Variants in ELFN2 observed in about 807,000 individuals in gnomAD.
The protein encoded by ELFN2 is protein phosphatase 1 regulatory subunit 29.
Under a neutral mutation model 45.5 loss-of-function variants are expected in ELFN2, and 17 were observed. The ratio of observed to expected loss-of-function variants is 0.37; its 90% CI spans 0.26 to 0.56. The LOEUF (loss-of-function observed/expected upper bound fraction) is 0.56, where lower values mean the gene tolerates loss of function less well. Ranked by LOEUF, ELFN2 falls within the 20% of genes least tolerant of loss-of-function variation. The pLI is 0.77. For synonymous variants in ELFN2, 550 were observed against 551.5 expected, an observed-to-expected ratio of 1.00 and a Z score of 0.04; for missense variants, 922 against 1,183.2, an observed-to-expected ratio of 0.78 and a Z score of 3.24.
At chr22:37,403,721 C>T (rs935351059) in intron 2 of ELFN2, among the ~76,000 whole-genome samples, 1 of 152,244 alleles carries the variant, frequency 6.6e-6, no homozygotes, top group Non-Finnish European at 1.5e-5. Context: ...CTCTCCCCAA[C>T]GAGGCTCATC....
chr22:37,397,109 G>A (rs114403905), intron 2 of ELFN2, among the ~76,000 whole-genome samples: 27 of 152,048 alleles, frequency 1.8e-4, no homozygotes, highest in African/African-American at 3.6e-4. Context: ...GGGCATCACC[G>A]CCTCCAGGAA....
At chr22:37,358,207 G>A (rs981059265) in intron 1 of ELFN2, among the ~76,000 whole-genome samples, 1 of 152,008 alleles carries the variant, frequency 6.6e-6, no homozygotes, top group South Asian at 2.1e-4. Context: ...CGGCTGCATC[G>A]GCCCTAGAAA....
chr22:37,347,451 C>G (rs1289130064), intron 1 of ELFN2, among the ~76,000 whole-genome samples: 1 of 152,176 alleles, frequency 6.6e-6, no homozygotes, highest in Non-Finnish European at 1.5e-5. Context: ...ACGGACAGAA[C>G]CACCCACACC....
At chr22:37,378,116 G>A (rs1317972942) in intron 2 of ELFN2, among the ~76,000 whole-genome samples, 5 of 152,242 alleles carry the variant, frequency 3.3e-5, no homozygotes, top group African/African-American at 4.8e-5. Flanking sequence ...GAGTGCTGAT[G>A]CAGGGGTGTG....
intron 1 of ELFN2, among the ~76,000 whole-genome samples, chr22:37,426,606 C>T (rs890413781): frequency 1.4e-5 from 2 of 146,418 alleles, no homozygotes; most frequent in Non-Finnish European, 3.1e-5. Context: ...AGCCCACACA[C>T]GCACGCACAC....
At chr22:37,346,875 T>G (rs1210339953) in intron 1 of ELFN2, among the ~76,000 whole-genome samples, 1 of 151,686 alleles carries the variant, frequency 6.6e-6, no homozygotes, top group Non-Finnish European at 1.5e-5. Flanking sequence ...CCCAGTCCCC[T>G]CAGCAGTGCA....
intron 2 of ELFN2, among the ~76,000 whole-genome samples, chr22:37,389,995 G>A (rs1932049929): frequency 6.6e-6 from 1 of 152,192 alleles, no homozygotes; most frequent in African/African-American, 2.4e-5. Context: ...CTGCCCCAAG[G>A]AGCCCACGGG....
chr22:37,392,465 C>T (rs1198773845), intron 2 of ELFN2, among the ~76,000 whole-genome samples: 1 of 151,904 alleles, frequency 6.6e-6, no homozygotes, highest in Non-Finnish European at 1.5e-5. Context: ...CTAGAGGCGC[C>T]CGCCACCACA....
In ELFN2 at chr22:37,372,858, GTC is replaced by G. The variant is rs1264821758; in HGVS notation, c.*212_*213del. 1 of 575,954 alleles carries G rather than the reference GTC, an allele frequency of 1.7e-6. No individual in the cohort carries two copies. Among genetic ancestry groups the G allele is most frequent in the Non-Finnish European group, 3.0e-6 (1 of 330,920 alleles). 35.7% of individuals were successfully genotyped at this position (575,954 alleles called of 1,614,324 possible). ...AGTTTGTAAACTTTAAGGAAAATGTGTCTCTGTTTTCCTGTCCGTTATTGTCG... is the reference window on the plus strand; with the variant it reads ...AGTTTGTAAACTTTAAGGAAAATGTGTCTGTTTTCCTGTCCGTTATTGTCG... On this transcript the variant is annotated 3_prime_UTR_variant, in exon 3 of 3. Transcript: ENST00000402918. This position sits in a 1 kb window ranked among gnomAD's most constrained non-coding sequence, Gnocchi z 4.4.
At position 37,373,042 on chromosome 22, in the gene ELFN2, C is replaced by T. The variant is rs1388019643; in HGVS notation, c.*30G>A. On this transcript the variant is annotated 3_prime_UTR_variant, in exon 3 of 3. Coordinates refer to ENST00000402918, the MANE Select transcript of ELFN2 (RefSeq NM_052906.5). ...CCCCAAAAGGCCCCCAGCCCTCTGG[C>T]TCCGACCTCACCAGGGAGGAAGGGG... The T allele has an allele frequency of 3.2e-6, 5 of 1,560,100 alleles. No homozygotes were observed. The highest frequency in any genetic ancestry group is 4.3e-6 in the Non-Finnish European group (5 of 1,149,834).
chr22:37,363,658 G>A (rs576100299), downstream of ELFN2, among the ~76,000 whole-genome samples: 9 of 152,310 alleles, frequency 5.9e-5, no homozygotes, highest in South Asian at 4.1e-4. Context: ...AGCATATGCC[G>A]GAGAGGCAGC....
intron 2 of ELFN2, among the ~76,000 whole-genome samples, chr22:37,414,304 G>C (rs1482947387): frequency 1.3e-5 from 2 of 152,214 alleles, no homozygotes; most frequent in Admixed American, 6.5e-5. Context: ...GCAAAGGATA[G>C]GGTGCTCGGG....
intron 2 of ELFN2, among the ~76,000 whole-genome samples, chr22:37,397,148 A>ACCACT (rs1029392865): frequency 1.3e-5 from 2 of 151,904 alleles, no homozygotes; most frequent in Non-Finnish European, 2.9e-5. Flanking sequence ...GTCTGGCTTC[A>ACCACT]CCACTCCACT....
rs749920264 is a variant in ELFN2 at position 37,373,805 on chromosome 22, T to G, written c.1730A>C (p.Glu577Ala). ...AGCAGCTGCAGGGAGGGACTGGCACTCGAAGGCCAGCTCGGGGTCCCCACT... is the reference window on the plus strand; with the variant it reads ...AGCAGCTGCAGGGAGGGACTGGCACGCGAAGGCCAGCTCGGGGTCCCCACT... ...SSSGDPELAFECQSLPAAAAA... is the reference protein window; with the variant it reads ...SSSGDPELAFACQSLPAAAAA... Residue 577 changes from glutamate (E) to alanine (A), a missense_variant, in exon 3 of 3, where the codon GAG becomes GCG. Around this residue, in one of 2 missense-constraint regions of ELFN2, gnomAD observed 564 missense variants for 642.8 expected, o/e 0.88. Transcript: ENST00000402918. 6 of 1,612,060 alleles carry G rather than the reference T, an allele frequency of 3.7e-6. No individual in the cohort carries two copies. The highest frequency in any genetic ancestry group is 4.2e-6 in the Non-Finnish European group (5 of 1,179,592).
intron 2 of ELFN2, among the ~76,000 whole-genome samples, chr22:37,341,728 A>G (rs1331106777): frequency 6.6e-6 from 1 of 152,202 alleles, no homozygotes; most frequent in African/African-American, 2.4e-5. Context: ...GCCATGTACC[A>G]AGCACTGGTT....
intron 1 of ELFN2, among the ~76,000 whole-genome samples, chr22:37,362,189 A>G (rs1384159249): frequency 1.3e-5 from 2 of 152,226 alleles, no homozygotes; most frequent in Non-Finnish European, 2.9e-5. Context: ...CGTGGGGAAG[A>G]GCAGGGGGCT....
At chr22:37,391,846 C>T (rs547745340) in intron 2 of ELFN2, among the ~76,000 whole-genome samples, 9 of 152,314 alleles carry the variant, frequency 5.9e-5, no homozygotes, top group Non-Finnish European at 8.8e-5. Flanking sequence ...CCAGGCAGTG[C>T]GTGGGTCCCA....
intron 2 of ELFN2, among the ~76,000 whole-genome samples, chr22:37,398,011 G>A (rs1241558617): frequency 6.6e-6 from 1 of 152,162 alleles, no homozygotes; most frequent in Non-Finnish European, 1.5e-5. Context: ...TGTCAAATGA[G>A]ACGGTAAGGA....
Position 37,373,903 on chromosome 22 carries a change from G to A in ELFN2, c.1632C>T (p.Val544=). Residue 544 remains valine, a synonymous_variant, in exon 3 of 3, where the codon GTC becomes GTT. Transcript: ENST00000402918. Reference sequence around the variant, plus strand: ...CGATGCAGTTGTTAATGATCTGGTTGACCTTGTCCACCTCCTTGGCAATGG... The same window carrying A: ...CGATGCAGTTGTTAATGATCTGGTTAACCTTGTCCACCTCCTTGGCAATGG... The part of the protein sequence containing the change: ...ISTIAKEVDK[V]NQIINNCIDA... The A allele has an allele frequency of 6.2e-7, 1 of 1,613,472 alleles. No individual in the cohort carries two copies. The highest frequency in any genetic ancestry group is 1.1e-5 in the South Asian group (1 of 91,080).
Sources: gnomAD v4.1 joint callset for allele counts (sites outside exome capture counted in the v4.1 genomes callset) on GRCh38, gnomAD v4.1.1 for gene constraint, gnomAD v4.1.1 regional missense constraint, Gnocchi (gnomAD v3.1) non-coding constraint, MANE v1.5 for transcripts, NCBI Gene and HGNC (gene_info 2026-07-23, HGNC 2026-07-21) for gene names.